Variants in PCDH15 observed in about 807,000 individuals in gnomAD.
The protein encoded by PCDH15 is protocadherin related 15.
In PCDH15, 129 loss-of-function variants were observed where a neutral mutation model predicts 178.5. That is an observed-to-expected ratio of 0.72 (90% CI 0.63 to 0.84). The LOEUF (loss-of-function observed/expected upper bound fraction) is 0.84. PCDH15 is among the 40% of genes least tolerant of loss of function. The pLI is 0.00. For synonymous variants in PCDH15, 800 were observed against 732.0 expected, an observed-to-expected ratio of 1.09 and a Z score of -1.50; for missense variants, 2,230 against 2,099.9, an observed-to-expected ratio of 1.06 and a Z score of -1.21.
chr10:55,220,740 ACAT>A (rs1450858753), intron 1 of PCDH15, among the ~76,000 whole-genome samples: 1 of 152,242 alleles, frequency 6.6e-6, no homozygotes, highest in Admixed American at 6.5e-5. Context: ...GTTGACAGAA[ACAT>A]CATTATGTGG....
At chr10:53,978,243 T>C (rs928590903) in intron 21 of PCDH15, among the ~76,000 whole-genome samples, 2 of 152,188 alleles carry the variant, frequency 1.3e-5, no homozygotes, top group East Asian at 1.9e-4. Context: ...CACCTCTGCC[T>C]GGACATCCAG....
At chr10:55,534,521 A>G (rs1224303607) in intron 2 of PCDH15, among the ~76,000 whole-genome samples, 1 of 152,190 alleles carries the variant, frequency 6.6e-6, no homozygotes, top group African/African-American at 2.4e-5. Flanking sequence ...ACAATGAGCT[A>G]TCATCTCACA....
intron 2 of PCDH15, among the ~76,000 whole-genome samples, chr10:54,595,139 A>G (rs749603892): frequency 5.3e-5 from 8 of 152,188 alleles, no homozygotes; most frequent in Non-Finnish European, 1.2e-4. Context: ...CCGCTGGTAC[A>G]TGCAAATGTG....
intron 15 of PCDH15, among the ~76,000 whole-genome samples, chr10:54,095,420 A>G (rs2136102029): frequency 6.6e-6 from 1 of 152,058 alleles, no homozygotes; most frequent in Non-Finnish European, 1.5e-5. Context: ...TATTCCAAAC[A>G]ATATAAAATG....
chr10:55,411,038 A>G (rs1344241026), intron 2 of PCDH15, among the ~76,000 whole-genome samples: 3 of 152,124 alleles, frequency 2.0e-5, no homozygotes, highest in African/African-American at 7.2e-5. Context: ...GGGAGTAATG[A>G]AGGTGGAATT....
intron 23 of PCDH15, among the ~76,000 whole-genome samples, chr10:53,942,490 T>C (rs190905633): frequency 1.3e-5 from 2 of 152,314 alleles, no homozygotes; most frequent in African/African-American, 2.4e-5. Context: ...GTAAATTCAA[T>C]GGACATACTA....
chr10:54,585,986 G>A lies in PCDH15; in HGVS notation c.92-58109C>T, dbSNP rs565179586. On this transcript the variant is annotated intron_variant, in intron 2 of 37. Coordinates refer to ENST00000644397, the MANE Select transcript of PCDH15 (RefSeq NM_001384140.1). ...GTGCAGATAGCCCTGCCCGAGAAGG[G>A]ACAATAAAATTAATAAAATTGATTG... is the stretch of plus-strand genomic sequence containing the variant. 5.9e-5 allele frequency among the ~76,000 whole-genome samples: 9 copies of A among 152,032 alleles called. 1 individual carries two copies. In the South Asian group the frequency reaches 1.9e-3, roughly 32 times the overall value.
intron 14 of PCDH15, among the ~76,000 whole-genome samples, chr10:54,140,472 CTTT>C (rs546498025): frequency 1.4e-5 from 2 of 144,960 alleles, no homozygotes; most frequent in East Asian, 2.0e-4. Flanking sequence ...TTTATTTCTG[CTTT>C]TTTTTTTTTC....
At chr10:55,399,254 AAAG>A (rs1386319377) in intron 2 of PCDH15, among the ~76,000 whole-genome samples, 4 of 152,162 alleles carry the variant, frequency 2.6e-5, no homozygotes, top group Non-Finnish European at 5.9e-5. Context: ...CAGCAAATAC[AAAG>A]AAGAAGAAAC....
At chr10:55,370,885 A>T (rs1474419805) in intron 2 of PCDH15, among the ~76,000 whole-genome samples, 1 of 152,108 alleles carries the variant, frequency 6.6e-6, no homozygotes, top group East Asian at 1.9e-4. Context: ...TTGGTGCCCA[A>T]TTATATTATC....
chr10:54,250,623 G>A (rs1453719275), intron 8 of PCDH15, among the ~76,000 whole-genome samples: 3 of 152,076 alleles, frequency 2.0e-5, no homozygotes, highest in Non-Finnish European at 2.9e-5. Flanking sequence ...GTAGAAGAGA[G>A]CCATGATATT....
intron 3 of PCDH15, among the ~76,000 whole-genome samples, chr10:54,424,776 A>G (rs898751371): frequency 2.7e-5 from 4 of 149,134 alleles, no homozygotes; most frequent in Admixed American, 1.4e-4. Context: ...ACCAAACACC[A>G]CATGTTCTCA....
chr10:55,419,373 A>G (rs994202150), intron 2 of PCDH15, among the ~76,000 whole-genome samples: 7 of 151,806 alleles, frequency 4.6e-5, no homozygotes, highest in Admixed American at 4.6e-4. Flanking sequence ...ACAAAACTCC[A>G]CACAATAAGG....
At chr10:55,068,109 T>C (rs1325170451) in intron 2 of PCDH15, among the ~76,000 whole-genome samples, 1 of 152,132 alleles carries the variant, frequency 6.6e-6, no homozygotes, top group Non-Finnish European at 1.5e-5. Context: ...TGTCCATTTT[T>C]GTTTTATTTG....
At chr10:55,024,098 A>G (rs1480862260) in intron 2 of PCDH15, among the ~76,000 whole-genome samples, 1 of 144,602 alleles carries the variant, frequency 6.9e-6, no homozygotes, top group East Asian at 2.0e-4. Flanking sequence ...TATAGGAAGG[A>G]ATATACATAT....
intron 3 of PCDH15, among the ~76,000 whole-genome samples, chr10:54,832,044 T>A (rs551047643): frequency 1.2e-4 from 19 of 152,286 alleles, no homozygotes; most frequent in Non-Finnish European, 2.4e-4. Flanking sequence ...TCAGAAAATA[T>A]AAACTTGTTT....
At chr10:54,063,026 T>A (rs2094063182) in intron 18 of PCDH15, among the ~76,000 whole-genome samples, 1 of 152,216 alleles carries the variant, frequency 6.6e-6, no homozygotes, top group African/African-American at 2.4e-5. Flanking sequence ...AACTGACAAC[T>A]GTAATATAAC....
chr10:55,053,782 C>T (rs1310601104), intron 2 of PCDH15, among the ~76,000 whole-genome samples: 1 of 152,192 alleles, frequency 6.6e-6, no homozygotes, highest in Non-Finnish European at 1.5e-5. Context: ...AAGTGTCCAG[C>T]ACACTGTTAG....
intron 9 of PCDH15, 100 bp downstream of exon 9, chr10:54,236,723 A>G: frequency 9.9e-7 from 1 of 1,014,828 alleles, no homozygotes; most frequent in East Asian, 2.5e-5. Flanking sequence ...CATGTCAAAT[A>G]ATAAACTTTG....
Sources: gnomAD v4.1 joint callset for allele counts (sites outside exome capture counted in the v4.1 genomes callset) on GRCh38, gnomAD v4.1.1 for gene constraint, MANE v1.5 for transcripts, NCBI Gene and HGNC (gene_info 2026-07-23, HGNC 2026-07-21) for gene names.